The following KAT2B variants were observed in gnomAD, a reference collection of about 807,000 sequenced individuals.
KAT2B encodes the protein histone acetyltransferase KAT2B.
KAT2B carries 36 observed loss-of-function variants against 105.9 expected under a neutral mutation model. That is an observed-to-expected ratio of 0.34 (90% CI 0.26 to 0.45). KAT2B has a LOEUF of 0.45. Among genes scored for constraint, KAT2B ranks in the 20% least tolerant of loss-of-function variants. The probability of loss-of-function intolerance (pLI) is 1.00; values close to 1 mark genes in which losing one functional copy is unlikely to be tolerated. For missense variants in KAT2B, 820 were observed against 1,021.6 expected, an observed-to-expected ratio of 0.80 and a Z score of 2.69; for synonymous variants, 397 against 377.9, an observed-to-expected ratio of 1.05 and a Z score of -0.59.
At chr3:20,081,901 A>C in intron 2 of KAT2B, among the ~76,000 whole-genome samples, 1 of 143,680 alleles carries the variant, frequency 7.0e-6, no homozygotes, top group African/African-American at 2.5e-5. Context: ...GTATAAATGT[A>C]TATAGAGAGT....
intron 1 of KAT2B, among the ~76,000 whole-genome samples, chr3:20,054,115 T>G (rs1243209398): frequency 1.3e-5 from 2 of 148,786 alleles, no homozygotes; most frequent in Non-Finnish European, 3.0e-5. Context: ...TATTTTTTTT[T>G]GTTTTTGTTT....
chr3:20,106,228 A>T (rs1698999945), intron 5 of KAT2B, among the ~76,000 whole-genome samples: 1 of 152,278 alleles, frequency 6.6e-6, no homozygotes, highest in Admixed American at 6.5e-5. Flanking sequence ...AGAAAATAGC[A>T]TGCAAATACC....
At chr3:20,135,449 T>A (rs944963825) in intron 11 of KAT2B, among the ~76,000 whole-genome samples, 4 of 152,092 alleles carry the variant, frequency 2.6e-5, no homozygotes, top group African/African-American at 9.7e-5. Context: ...GGTCAGGAGA[T>A]CGAGACTATC....
chr3:20,129,034 G>T (rs915227803), intron 11 of KAT2B, among the ~76,000 whole-genome samples: 20 of 140,598 alleles, frequency 1.4e-4, no homozygotes, highest in African/African-American at 4.8e-4. Context: ...AAAAAAGAAT[G>T]TTATTCATTT....
intron 14 of KAT2B, among the ~76,000 whole-genome samples, chr3:20,147,167 A>G (rs145226184): frequency 5.2e-4 from 79 of 152,356 alleles, no homozygotes; most frequent in African/African-American, 1.8e-3. Context: ...AAATCAAACA[A>G]GCAAAAATTT....
intron 9 of KAT2B, 68 bp downstream of exon 9, chr3:20,122,872 A>C: frequency 6.5e-7 from 1 of 1,529,280 alleles, no homozygotes; most frequent in Non-Finnish European, 8.8e-7. Flanking sequence ...TCCAGCTGTC[A>C]GAAGTGGGGA....
Position 20,081,109 on chromosome 3 carries a change from T to C in KAT2B, c.430+8650T>C, listed in dbSNP as rs77947005. Among the ~76,000 whole-genome samples, 1,356 of 152,342 alleles carry C rather than the reference T, an allele frequency of 8.9e-3. 24 individuals are homozygous for C. The highest frequency in any genetic ancestry group is 0.086 in the East Asian group (445 of 5,180). On this transcript the variant is annotated intron_variant, in intron 2 of 17. Coordinates refer to ENST00000263754, the MANE Select transcript of KAT2B (RefSeq NM_003884.5). ...AATTTGACAGATTTCATTGTAGTCA[T>C]TAATTTTACCTCTTCTAGCCTCGAT... is the stretch of plus-strand genomic sequence containing the variant.
chr3:20,043,834 C>A (rs1697760717), intron 1 of KAT2B, among the ~76,000 whole-genome samples: 1 of 151,772 alleles, frequency 6.6e-6, no homozygotes, highest in South Asian at 2.1e-4. Flanking sequence ...ATGAGCAAGC[C>A]CAAAAGGACA....
At chr3:20,053,012 G>C (rs1697942393) in intron 1 of KAT2B, among the ~76,000 whole-genome samples, 1 of 151,982 alleles carries the variant, frequency 6.6e-6, no homozygotes, top group Non-Finnish European at 1.5e-5. Context: ...GGTGCAGGGA[G>C]GTTTAGTAGC....
chr3:20,059,823 C>A (rs916854445), intron 1 of KAT2B, among the ~76,000 whole-genome samples: 4 of 152,208 alleles, frequency 2.6e-5, no homozygotes, highest in African/African-American at 9.7e-5. Context: ...GTACAATCAT[C>A]ACCACAATCT....
At chr3:20,043,645 G>A (rs548681103) in intron 1 of KAT2B, among the ~76,000 whole-genome samples, 41 of 152,190 alleles carry the variant, frequency 2.7e-4, no homozygotes, top group Admixed American at 1.3e-3. Context: ...TAGGGCCACC[G>A]GCTGGGGTGC....
At chr3:20,072,593 T>G in intron 2 of KAT2B, 134 bp downstream of exon 2, 8 of 808,238 alleles carry the variant, frequency 9.9e-6, no homozygotes, top group Non-Finnish European at 1.6e-5. Context: ...AGAGCCTCTC[T>G]AGTCTCACGA....
chr3:20,062,076 A>ATAATATATATTATATATAAAACATG (rs1698124029), intron 1 of KAT2B, among the ~76,000 whole-genome samples: 1 of 101,096 alleles, frequency 9.9e-6, no homozygotes, highest in African/African-American at 4.1e-5. Context: ...TATAAAACAT[A>ATAATATATATTATATATAAAACATG]TAATATATAT....
At chr3:20,078,770 T>C (rs1259780639) in intron 2 of KAT2B, among the ~76,000 whole-genome samples, 10 of 151,906 alleles carry the variant, frequency 6.6e-5, no homozygotes, top group Admixed American at 6.6e-4. Context: ...TTCCTTGCTT[T>C]TCTGCTTGTT....
chr3:20,098,155 G>A (rs149155259), intron 3 of KAT2B, among the ~76,000 whole-genome samples: 123 of 151,852 alleles, frequency 8.1e-4, no homozygotes, highest in Middle Eastern at 6.8e-3. Flanking sequence ...GCTTGAGTCC[G>A]GGATGCAGAG....
At chr3:20,084,159 G>C (rs915895364) in intron 2 of KAT2B, among the ~76,000 whole-genome samples, 2 of 152,178 alleles carry the variant, frequency 1.3e-5, no homozygotes, top group Non-Finnish European at 1.5e-5. Context: ...TTTATATAGT[G>C]TAGTCATAGC....
chr3:20,056,350 G>T (rs934969022), intron 1 of KAT2B, among the ~76,000 whole-genome samples: 2 of 152,166 alleles, frequency 1.3e-5, no homozygotes, highest in Non-Finnish European at 2.9e-5. Flanking sequence ...CTGAATGGAT[G>T]GTAGTTCCAT....
intron 1 of KAT2B, among the ~76,000 whole-genome samples, chr3:20,064,316 A>G (rs1698189276): frequency 6.6e-6 from 1 of 152,232 alleles, no homozygotes; most frequent in African/African-American, 2.4e-5. Context: ...TAGCATGTTC[A>G]TCACCTCAAT....
rs540029652 is a variant in KAT2B at position 20,052,055 on chromosome 3, C to G, written c.303+11275C>G. 1.7e-4 allele frequency among the ~76,000 whole-genome samples: 26 copies of G among 152,304 alleles called. 1 individual carries two copies. In the East Asian group the frequency reaches 4.8e-3, roughly 28 times the overall value. On this transcript the variant is annotated intron_variant, in intron 1 of 17. Coordinates refer to ENST00000263754, the MANE Select transcript of KAT2B (RefSeq NM_003884.5). The stretch of plus-strand genomic sequence containing the variant: ...TTATAATTTTGAATCACATTCATCT[C>G]TAGCATCTAATTGTGCATGTGGTTA...
Sources: allele counts gnomAD v4.1 joint callset (sites outside exome capture counted in the v4.1 genomes callset), GRCh38; gene constraint gnomAD v4.1.1; transcripts MANE v1.5; gene names NCBI Gene and HGNC (gene_info 2026-07-23, HGNC 2026-07-21).